COL20A1: variants seen among roughly 807,000 people sequenced by gnomAD.
The protein encoded by COL20A1 is collagen type XX alpha 1 chain.
A neutral mutation model predicts 152.9 loss-of-function variants in COL20A1; 164 were observed. The ratio of observed to expected loss-of-function variants is 1.07; its 90% confidence interval spans 0.94 to 1.22. COL20A1 has a LOEUF of 1.22. Ranked by LOEUF, COL20A1 falls within the 50% of genes most tolerant of loss-of-function variation. The pLI is 0.00. For missense variants in COL20A1, 1,873 were observed against 1,744.8 expected, an observed-to-expected ratio of 1.07 and a Z score of -1.31; for synonymous variants, 864 against 756.0, an observed-to-expected ratio of 1.14 and a Z score of -2.34.
At position 63,305,468 on chromosome 20, in the gene COL20A1, T is replaced by G; in HGVS notation, c.245T>G (p.Val82Gly). 6.3e-7 allele frequency: 1 copy of G among 1,596,314 alleles called. No homozygotes were observed. The highest frequency in any genetic ancestry group is 8.5e-7 in the Non-Finnish European group (1 of 1,172,696). ...ILTTKTPKAT[V>G]GGLSPSKGYT... ...ACCACCAAGACCCCTAAGGCCACAG[T>G]GGGGGGCCTGAGCCCCTCCAAGGGC... Residue 82 changes from valine to glycine, a missense_variant, in exon 4 of 36, where the codon GTG becomes GGG. Transcript: ENST00000358894. This position sits in a 1 kb window ranked among gnomAD's most constrained non-coding sequence, Gnocchi z 4.9.
At chr20:63,299,865 A>G (rs1352453346) in intron 3 of COL20A1, among the ~76,000 whole-genome samples, 1 of 151,696 alleles carries the variant, frequency 6.6e-6, no homozygotes, top group African/African-American at 2.4e-5. Flanking sequence ...ATACATATAT[A>G]CGTTGTGTGT....
At chr20:63,317,078 C>G (rs1850059563) in intron 21 of COL20A1, among the ~76,000 whole-genome samples, 1 of 152,162 alleles carries the variant, frequency 6.6e-6, no homozygotes, top group Admixed American at 6.5e-5. Flanking sequence ...AGATTTGGGA[C>G]AATTCCTGAT....
intron 5 of COL20A1, 130 bp from the exon 6 acceptor site, chr20:63,307,360 G>T: frequency 2.4e-6 from 2 of 822,016 alleles, no homozygotes; most frequent in Non-Finnish European, 3.8e-6. Flanking sequence ...TGAGGGCCTT[G>T]GAGTCCTTTC....
At position 63,314,208 on chromosome 20, in the gene COL20A1, G is replaced by A. The variant is rs747750429; in HGVS notation, c.2488+7G>A. The A allele has an allele frequency of 6.4e-7, 1 of 1,554,268 alleles. No homozygotes were observed. Among genetic ancestry groups the A allele is most frequent in the Non-Finnish European group, 8.7e-7 (1 of 1,148,948 alleles). On this transcript the variant is annotated splice_region_variant and intron_variant, in intron 19 of 35. Transcript: ENST00000358894. ...TCTGCCACGGGCCAGACAGGTGAGT[G>A]GGCACCAAGACCCCAGACCCAGGTA... is the stretch of plus-strand genomic sequence containing the variant.
At position 63,313,056 on chromosome 20, in the gene COL20A1, C is replaced by T. The variant is rs570542539; in HGVS notation, c.2077-61C>T. 67 of 1,562,236 alleles carry T rather than the reference C, an allele frequency of 4.3e-5. No individual in the cohort carries two copies. Among genetic ancestry groups the T allele is most frequent in the East Asian group, 7.2e-5 (3 of 41,834 alleles). ...TGTCTCCCAGGGATGCCTCACTGCC[C>T]GGCCCCCCAACCTGAGGACCCCACT... On this transcript the variant is annotated intron_variant, in intron 16 of 35. Coordinates refer to ENST00000358894, the MANE Select transcript of COL20A1 (RefSeq NM_020882.4). The surrounding 1 kb of genome is among the most constrained non-coding windows in gnomAD (Gnocchi z 5.9).
chr20:63,304,234 T>G, intron 3 of COL20A1, among the ~76,000 whole-genome samples: 1 of 91,952 alleles, frequency 1.1e-5, no homozygotes, highest in Non-Finnish European at 2.2e-5. Flanking sequence ...TGTGCACGTG[T>G]GGGTTCCTCC....
chr20:63,326,072 G>A, intron 29 of COL20A1, 24 bp from the exon 30 acceptor site: 1 of 1,611,092 alleles, frequency 6.2e-7, no homozygotes, highest in Non-Finnish European at 8.5e-7. Flanking sequence ...ACCCCACCCA[G>A]CTTGCGCCTT....
At position 63,308,210 on chromosome 20, in the gene COL20A1, C is replaced by G. The variant is rs182895186; in HGVS notation, c.775+120C>G. On this transcript the variant is annotated intron_variant, in intron 7 of 35. Transcript: ENST00000358894. ...AAGTGGTGTGGACCTGAGCCCTGTT[C>G]ACACCTTTATAGAGGGCAGAGTCAC... 73 of 1,249,450 alleles carry G rather than the reference C, an allele frequency of 5.8e-5. No individual in the cohort carries two copies. In the African/African-American group the frequency reaches 9.9e-4, roughly 17 times the overall value. The allele number at this position is 1,249,450 out of a possible 1,614,324, so 77.4% of individuals were successfully genotyped here.
At chr20:63,294,618 G>T (rs967514913) in intron 1 of COL20A1, among the ~76,000 whole-genome samples, 1 of 152,046 alleles carries the variant, frequency 6.6e-6, no homozygotes, top group Non-Finnish European at 1.5e-5. Context: ...CTCCTCCACA[G>T]GTCTCTGATG....
At chr20:63,307,465 A>T (rs1457528897) in intron 5 of COL20A1, 25 bp from the exon 6 acceptor site, 4 of 1,602,700 alleles carry the variant, frequency 2.5e-6, no homozygotes, top group Non-Finnish European at 3.4e-6. Context: ...CTCACCTAGC[A>T]CCTGACCCGC....
Position 63,311,143 on chromosome 20 carries a change from C to G in COL20A1, c.1394-251C>G, listed in dbSNP as rs1352878964. On this transcript the variant is annotated intron_variant, in intron 11 of 35. Transcript: ENST00000358894. This position sits in a 1 kb window ranked among gnomAD's most constrained non-coding sequence, Gnocchi z 4.4. ...TGGGTGTTTCCCAAAGCCCTTTTCA[C>G]CCCCCGGAGGCCACATTCCTCCCAT... Among the ~76,000 whole-genome samples, 4 of 152,166 alleles carry G rather than the reference C, an allele frequency of 2.6e-5. No homozygotes were observed. Among genetic ancestry groups the G allele is most frequent in the African/African-American group, 9.7e-5 (4 of 41,426 alleles).
At chr20:63,318,392 AGG>A (rs1373726191) in intron 21 of COL20A1, among the ~76,000 whole-genome samples, 3 of 43,178 alleles carry the variant, frequency 6.9e-5, no homozygotes, top group Non-Finnish European at 4.1e-4. Context: ...CAATTCTATC[AGG>A]GGCCCGAGAC....
rs1260245360 is a variant in COL20A1 at position 63,333,260 on chromosome 20, C to T, written c.*2544C>T. The T allele has an allele frequency of 1.3e-5, 2 of 152,516 alleles. No individual in the cohort carries two copies. The highest frequency in any genetic ancestry group is 2.1e-4 in the South Asian group (1 of 4,832). The allele number at this position is 152,516 out of a possible 1,614,324, so 9.4% of individuals were successfully genotyped here. On this transcript the variant is annotated 3_prime_UTR_variant, in exon 36 of 36. Coordinates refer to ENST00000358894, the MANE Select transcript of COL20A1 (RefSeq NM_020882.4). ...TTGGTCTTGGCCCAGAGCTCATGGC[C>T]TTAGGTGCTGCCCCCAGTCACCCCC...
At chr20:63,318,648 G>A (rs1194024349) in intron 21 of COL20A1, among the ~76,000 whole-genome samples, 2 of 152,160 alleles carry the variant, frequency 1.3e-5, no homozygotes, top group Admixed American at 1.3e-4. Flanking sequence ...CACGGGCCCC[G>A]GGAGCACGGG....
chr20:63,311,811 C>G lies in COL20A1; in HGVS notation c.1663+63C>G. ...GTGCCCCATCTTGTTCCTCAGCCTT[C>G]CATGGCATGGGAGACCTCAGGCCCC... is the stretch of plus-strand genomic sequence containing the variant. On this transcript the variant is annotated intron_variant, in intron 13 of 35. Transcript: ENST00000358894. This position sits in a 1 kb window ranked among gnomAD's most constrained non-coding sequence, Gnocchi z 4.4. The G allele has an allele frequency of 1.9e-6, 3 of 1,539,884 alleles. No individual in the cohort carries two copies. Among genetic ancestry groups the G allele is most frequent in the Non-Finnish European group, 2.6e-6 (3 of 1,148,316 alleles).
At chr20:63,295,243 C>T in intron 2 of COL20A1, 54 bp downstream of exon 2, 1 of 1,239,856 alleles carries the variant, frequency 8.1e-7, no homozygotes, top group Non-Finnish European at 1.1e-6. Flanking sequence ...CCTGCCCCAC[C>T]AGTGCCCACG....
chr20:63,307,980 A>G lies in COL20A1; in HGVS notation c.665A>G (p.Gln222Arg), dbSNP rs1483866027. ...GPDKVQVGLT[Q>R]YSGDAQTEWD... ...TGCCCCTGCTCCCCAGGCCTGACTC[A>G]GTACAGCGGGGATGCTCAGACTGAG... The change falls in exon 7 of 36, where the codon CAG becomes CGG. Residue 222 changes from glutamine to arginine, a missense_variant. Transcript: ENST00000358894. The G allele has an allele frequency of 6.2e-7, 1 of 1,612,494 alleles. No homozygotes were observed. The highest frequency in any genetic ancestry group is 8.5e-7 in the Non-Finnish European group (1 of 1,179,686).
chr20:63,311,940 TG>T lies in COL20A1; in HGVS notation c.1691del (p.Gly564AlafsTer5). 6.3e-7 allele frequency: 1 copy of T among 1,577,738 alleles called. No individual in the cohort carries two copies. ...RTPTLAPPRH[L>X]GFSDVSHDAA... Reference sequence around the variant, plus strand: ...GCCACCCTGGCCCCCCCGAGACACCTGGGCTTCTCAGACGTGAGCCACGACG... The same window carrying T: ...GCCACCCTGGCCCCCCCGAGACACCTGGCTTCTCAGACGTGAGCCACGACG... On this transcript the variant is annotated frameshift_variant, in exon 14 of 36. Transcript: ENST00000358894. LOFTEE classifies it high-confidence loss of function. The surrounding 1 kb of genome is among the most constrained non-coding windows in gnomAD (Gnocchi z 4.4).
In COL20A1 at chr20:63,311,719, G is replaced by C. The variant is rs751688457; in HGVS notation, c.1634G>C (p.Ser545Thr). ...SVQSLRGPEG[S>T]EARGIRARTP... is the part of the protein sequence containing the mutation. ...CAGAGCCTGCGAGGCCCTGAGGGCA[G>C]CGAGGCCCGGGGCATCCGTGCCAGG... The change falls in exon 13 of 36, where the codon AGC (serine) becomes ACC (threonine). Residue 545 changes from serine to threonine, a missense_variant. By Grantham distance (58) the Ser-to-Thr change is moderately conservative. Transcript: ENST00000358894. This position sits in a 1 kb window ranked among gnomAD's most constrained non-coding sequence, Gnocchi z 4.4. The C allele has an allele frequency of 3.1e-6, 5 of 1,599,948 alleles. No individual in the cohort carries two copies. In the South Asian group the frequency reaches 5.6e-5, roughly 18 times the overall value.
Sources: allele counts gnomAD v4.1 joint callset (sites outside exome capture counted in the v4.1 genomes callset), GRCh38; gene constraint gnomAD v4.1.1; non-coding constraint Gnocchi (gnomAD v3.1); transcripts MANE v1.5; gene names NCBI Gene and HGNC (gene_info 2026-07-23, HGNC 2026-07-21).